ADGRD1: variants seen among roughly 807,000 people sequenced by gnomAD.
ADGRD1 encodes adhesion G protein-coupled receptor D1.
A neutral mutation model predicts 113.4 loss-of-function variants in ADGRD1; 77 were observed. That is an observed-to-expected ratio of 0.68 (90% CI 0.57 to 0.82). The LOEUF (loss-of-function observed/expected upper bound fraction) is 0.82, where lower values mean the gene tolerates loss of function less well. Ranked by LOEUF, ADGRD1 falls within the 40% of genes least tolerant of loss-of-function variation. The pLI, the probability that ADGRD1 is intolerant of heterozygous loss-of-function variation, is 0.00. For missense variants in ADGRD1, 1,036 were observed against 1,139.1 expected (o/e 0.91, Z 1.30); for synonymous variants, 474 against 475.0 (o/e 1.00, Z 0.03).
rs1871967868 is a variant in ADGRD1, at chr12:130,973,766, T to C, written c.310+2186T>C. 2.0e-5 allele frequency among the ~76,000 whole-genome samples: 3 copies of C among 150,510 alleles called. No individual in the cohort carries two copies. In the South Asian group the frequency reaches 6.4e-4, roughly 32 times the overall value. On this transcript the variant is annotated intron_variant, in intron 4 of 24. Transcript: ENST00000261654. ...GTTAAGCAGAACTTTTAAGATACTGTTCATGTGGCCACTTTCTTTAGAGCA... is the reference window on the plus strand; with the variant it reads ...GTTAAGCAGAACTTTTAAGATACTGCTCATGTGGCCACTTTCTTTAGAGCA...
chr12:131,021,637 C>T (rs1195900), intron 13 of ADGRD1, among the ~76,000 whole-genome samples: 91,799 of 151,986 alleles, frequency 0.6, 28,261 homozygotes, highest in East Asian at 0.78. Flanking sequence ...CCTCTCTCCT[C>T]GGCTTGCAGA....
intron 16 of ADGRD1, among the ~76,000 whole-genome samples, chr12:131,105,174 C>T (rs893018182): frequency 8.5e-5 from 13 of 152,256 alleles, no homozygotes; most frequent in African/African-American, 2.4e-4. Context: ...TATTCACTCT[C>T]GCTCCCACGT....
chr12:131,053,340 A>G (rs527694212), intron 13 of ADGRD1, among the ~76,000 whole-genome samples: 1 of 152,328 alleles, frequency 6.6e-6, no homozygotes, highest in South Asian at 2.1e-4. Flanking sequence ...CATGTTGTCA[A>G]TGTTTTATTT....
intron 13 of ADGRD1, among the ~76,000 whole-genome samples, chr12:131,056,410 C>T (rs992167371): frequency 1.3e-5 from 2 of 152,190 alleles, no homozygotes; most frequent in Non-Finnish European, 2.9e-5. Context: ...CAGGTCTAGC[C>T]ACACTGGGGC....
rs1304146214 is a variant in ADGRD1, at chr12:130,984,544, C to T, written c.490+2481C>T. ...AGTTCAGAGAATTCCCATTACCCTCCGCCTCTACACAGGCACAGCTTCCCC... is the reference window on the plus strand; with the variant it reads ...AGTTCAGAGAATTCCCATTACCCTCTGCCTCTACACAGGCACAGCTTCCCC... On this transcript the variant is annotated intron_variant, in intron 5 of 24. Transcript: ENST00000261654. This position sits in a 1 kb window ranked among gnomAD's most constrained non-coding sequence, Gnocchi z 4.1. Among the ~76,000 whole-genome samples the T allele has an allele frequency of 6.6e-6, 1 of 151,928 alleles. No individual in the cohort carries two copies. Among genetic ancestry groups the T allele is most frequent in the East Asian group, 1.9e-4 (1 of 5,160 alleles).
intron 3 of ADGRD1, chr12:130,968,897 C>T (rs1408107359): frequency 3.8e-6 from 3 of 784,718 alleles, no homozygotes; most frequent in Non-Finnish European, 6.4e-6. Flanking sequence ...GTGCCTGCTG[C>T]AGGTTGAGAG....
chr12:130,994,247 C>T (rs1031381906), intron 8 of ADGRD1: 1 of 452,792 alleles, frequency 2.2e-6, no homozygotes, highest in South Asian at 1.6e-5. Flanking sequence ...CGTGAGGCCC[C>T]GAGACAGGGC....
At chr12:131,021,516 G>A (rs1324788000) in intron 13 of ADGRD1, among the ~76,000 whole-genome samples, 1 of 152,142 alleles carries the variant, frequency 6.6e-6, no homozygotes, top group African/African-American at 2.4e-5. Context: ...CGCAGCATCA[G>A]GCTGTGTGAG....
intron 13 of ADGRD1, chr12:131,026,661 G>A (rs1217340071): frequency 1.3e-5 from 2 of 152,408 alleles, no homozygotes; most frequent in Non-Finnish European, 2.9e-5. Flanking sequence ...TGTGGCTGTG[G>A]GGCTGGCCTG....
chr12:131,108,598 T>C (rs1950283896), intron 17 of ADGRD1, 126 bp from the exon 18 acceptor site: 1 of 1,332,484 alleles, frequency 7.5e-7, no homozygotes, highest in African/African-American at 1.4e-5. Context: ...GAAGATACCC[T>C]GGGAAGAAAC....
chr12:131,013,380 T>C (rs972105765), intron 12 of ADGRD1, among the ~76,000 whole-genome samples: 13 of 152,036 alleles, frequency 8.6e-5, no homozygotes, highest in East Asian at 1.9e-4. Context: ...TCAGTCTCCC[T>C]CCTCATGAAT....
intron 14 of ADGRD1, among the ~76,000 whole-genome samples, chr12:131,083,078 G>A (rs777378386): frequency 1.6e-4 from 24 of 152,314 alleles, no homozygotes; most frequent in Non-Finnish European, 2.9e-4. Context: ...GGTCTTCATC[G>A]GTCATGCCAT....
In ADGRD1 at chr12:131,003,286, C is replaced by A. The variant is rs746574998; in HGVS notation, c.1128C>A (p.Gly376=). ...GCACGCCCCAGGTCACCGTGGAGGG[C>A]TCCTCTGCCATGGCAGGTAGCTGTC... ...HGSTPQVTVE[G]SSAMAEFSVA... is the part of the protein sequence containing the mutation. Residue 376 remains glycine, a synonymous_variant, in exon 10 of 25, where the codon GGC becomes GGA. Coordinates refer to ENST00000261654, the MANE Select transcript of ADGRD1 (RefSeq NM_198827.5). The surrounding 1 kb of genome is among the most constrained non-coding windows in gnomAD (Gnocchi z 4.8). 2 of 1,612,584 alleles carry A rather than the reference C, an allele frequency of 1.2e-6. No individual in the cohort carries two copies. The highest frequency in any genetic ancestry group is 1.7e-6 in the Non-Finnish European group (2 of 1,178,772).
intron 13 of ADGRD1, among the ~76,000 whole-genome samples, chr12:131,018,052 A>G (rs1443773995): frequency 1.3e-5 from 2 of 152,140 alleles, no homozygotes; most frequent in East Asian, 3.9e-4. Context: ...CCATCCTTGC[A>G]GGGCCGGCAG....
At chr12:131,032,366 C>T (rs536805157) in intron 13 of ADGRD1, among the ~76,000 whole-genome samples, 31 of 152,368 alleles carry the variant, frequency 2.0e-4, no homozygotes, top group African/African-American at 5.5e-4. Context: ...CGGGTTCTGA[C>T]GCCTGCTTTG....
At chr12:131,088,359 G>A (rs11061320) in intron 15 of ADGRD1, among the ~76,000 whole-genome samples, 4,149 of 152,340 alleles carry the variant, frequency 0.027, 99 homozygotes, top group Middle Eastern at 0.061. Flanking sequence ...GTCAGTGCAC[G>A]CCACGTCCTG....
At chr12:131,048,112 C>T (rs1210003585) in intron 13 of ADGRD1, among the ~76,000 whole-genome samples, 5 of 152,234 alleles carry the variant, frequency 3.3e-5, no homozygotes, top group Admixed American at 3.3e-4. Context: ...AACCCTGAAA[C>T]AGGGAGAGCA....
chr12:130,960,697 C>A (rs1870245986), intron 2 of ADGRD1, among the ~76,000 whole-genome samples: 1 of 151,972 alleles, frequency 6.6e-6, no homozygotes, highest in Admixed American at 6.6e-5. Flanking sequence ...ACCTCCTGGG[C>A]CCCTTGTCTT....
intron 2 of ADGRD1, among the ~76,000 whole-genome samples, chr12:130,964,885 C>T (rs1870836195): frequency 6.6e-6 from 1 of 152,060 alleles, no homozygotes; most frequent in South Asian, 2.1e-4. Flanking sequence ...TCTGTTTCTT[C>T]TCCAGATTTT....
Sources: allele counts gnomAD v4.1 joint callset (sites outside exome capture counted in the v4.1 genomes callset), GRCh38; gene constraint gnomAD v4.1.1; non-coding constraint Gnocchi (gnomAD v3.1); transcripts MANE v1.5; gene names NCBI Gene and HGNC (gene_info 2026-07-23, HGNC 2026-07-21).